NCAM2: variants seen among roughly 807,000 people sequenced by gnomAD.
NCAM2 encodes the protein N-CAM-2.
A neutral mutation model predicts 98.1 loss-of-function variants in NCAM2; 30 were observed. The observed-to-expected ratio is 0.31, with a 90% CI of 0.23 to 0.41. The LOEUF (loss-of-function observed/expected upper bound fraction) is 0.41. NCAM2 is among the 10% of genes least tolerant of loss of function. The pLI, the probability that NCAM2 is intolerant of heterozygous loss-of-function variation, is 1.00. For synonymous variants in NCAM2, 368 were observed against 342.4 expected (o/e 1.07, Z -0.83); for missense variants, 867 against 1,005.8 (o/e 0.86, Z 1.87).
intron 9 of NCAM2, among the ~76,000 whole-genome samples, chr21:21,409,216 C>T (rs917584514): frequency 2.0e-5 from 3 of 151,986 alleles, no homozygotes; most frequent in Non-Finnish European, 4.4e-5. Flanking sequence ...TGATTTAGAT[C>T]GTAGTCCTGG....
chr21:21,180,528 T>C (rs1426233119), intron 1 of NCAM2, among the ~76,000 whole-genome samples: 1 of 152,214 alleles, frequency 6.6e-6, no homozygotes. Context: ...TACCTCCTGT[T>C]AACTACTCAA....
chr21:21,051,893 T>C (rs1185229898), intron 1 of NCAM2, among the ~76,000 whole-genome samples: 1 of 152,226 alleles, frequency 6.6e-6, no homozygotes, highest in African/African-American at 2.4e-5. Flanking sequence ...GATAAGCGAC[T>C]GCAAAAACCT....
At chr21:21,297,828 A>G (rs2147618811) in intron 5 of NCAM2, among the ~76,000 whole-genome samples, 1 of 151,970 alleles carries the variant, frequency 6.6e-6, no homozygotes, top group Non-Finnish European at 1.5e-5. Context: ...ATGTTCTTCT[A>G]ACGTATAGTG....
At chr21:21,224,610 C>T (rs1011401967) in intron 1 of NCAM2, among the ~76,000 whole-genome samples, 9 of 151,844 alleles carry the variant, frequency 5.9e-5, no homozygotes, top group Non-Finnish European at 1.3e-4. Context: ...CATTAAATCC[C>T]AAATAAAATT....
chr21:21,125,535 A>T (rs1032175472), intron 1 of NCAM2, among the ~76,000 whole-genome samples: 18 of 8,916 alleles, frequency 2.0e-3, no homozygotes, highest in East Asian at 0.019. Context: ...TAATATATAA[A>T]ATATATATTA....
chr21:21,358,071 T>C lies in NCAM2; in HGVS notation c.1045-15792T>C, dbSNP rs80209083. ...ATGCATTACATTCCAAACAAGAGAA[T>C]GTCTATTCCCTTGAATTTCTCTAGC... On this transcript the variant is annotated intron_variant, in intron 8 of 17. Transcript: ENST00000400546. 8.0e-3 allele frequency among the ~76,000 whole-genome samples: 1,222 copies of C among 152,244 alleles called. 15 individuals carry two copies. Among genetic ancestry groups the C allele is most frequent in the African/African-American group, 0.028 (1,172 of 41,560 alleles).
At chr21:21,197,458 C>T (rs1165165800) in intron 1 of NCAM2, among the ~76,000 whole-genome samples, 1 of 152,138 alleles carries the variant, frequency 6.6e-6, no homozygotes, top group Non-Finnish European at 1.5e-5. Context: ...TACCCAGTCT[C>T]AGGTGTTTCT....
chr21:21,345,879 A>G (rs2075173512), intron 8 of NCAM2, among the ~76,000 whole-genome samples: 1 of 152,114 alleles, frequency 6.6e-6, no homozygotes, highest in Non-Finnish European at 1.5e-5. Flanking sequence ...AAGGCATTTA[A>G]TACTGAAACT....
chr21:21,114,039 C>A (rs544274675), intron 1 of NCAM2, among the ~76,000 whole-genome samples: 21 of 152,262 alleles, frequency 1.4e-4, no homozygotes, highest in African/African-American at 4.8e-4. Flanking sequence ...GTGTAGCCAT[C>A]ATTTCTCTCT....
intron 12 of NCAM2, among the ~76,000 whole-genome samples, chr21:21,433,780 T>G: frequency 6.8e-6 from 1 of 146,238 alleles, no homozygotes; most frequent in Non-Finnish European, 1.5e-5. Context: ...TAAAATAAAA[T>G]AAAATAAAAT....
intron 11 of NCAM2, among the ~76,000 whole-genome samples, chr21:21,420,622 A>G (rs528971613): frequency 9.7e-4 from 148 of 152,128 alleles, no homozygotes; most frequent in Non-Finnish European, 9.6e-4. Context: ...AATATATTCT[A>G]AATATTAATG....
intron 10 of NCAM2, among the ~76,000 whole-genome samples, chr21:21,414,760 C>T (rs945103280): frequency 1.4e-4 from 22 of 152,084 alleles, no homozygotes; most frequent in Non-Finnish European, 2.8e-4. Context: ...TGAGCCACCG[C>T]GCCCGGCCAC....
At chr21:21,032,040 C>T (rs976018105) in intron 1 of NCAM2, among the ~76,000 whole-genome samples, 5 of 152,234 alleles carry the variant, frequency 3.3e-5, no homozygotes, top group Non-Finnish European at 5.9e-5. Flanking sequence ...ATATTTTAAT[C>T]TAATCAAAGT....
intron 5 of NCAM2, among the ~76,000 whole-genome samples, chr21:21,294,427 T>C (rs907161705): frequency 1.3e-5 from 2 of 151,874 alleles, no homozygotes; most frequent in Admixed American, 1.3e-4. Context: ...ATAATTCCTG[T>C]TTTGTCTGTA....
intron 12 of NCAM2, among the ~76,000 whole-genome samples, chr21:21,446,390 A>C (rs899393187): frequency 1.3e-5 from 2 of 151,988 alleles, no homozygotes; most frequent in Non-Finnish European, 2.9e-5. Flanking sequence ...TTGCTGGGTT[A>C]GAAAGTTCTC....
chr21:21,376,731 A>G (rs1031773238), intron 9 of NCAM2, among the ~76,000 whole-genome samples: 1 of 151,836 alleles, frequency 6.6e-6, no homozygotes, highest in African/African-American at 2.4e-5. Flanking sequence ...TTTTGATCAC[A>G]TTGCATTCCT....
At position 21,292,852 on chromosome 21, in the gene NCAM2, TAAAG is replaced by T. The variant is rs533420530; in HGVS notation, c.619+616_619+619del. Reference sequence around the variant, plus strand: ...AGAATACTCGAGACTGAGTAATTTATAAAGAAAGGAGATTTAATTGACTCACAGT... The same window carrying T: ...AGAATACTCGAGACTGAGTAATTTATAAAGGAGATTTAATTGACTCACAGT... On this transcript the variant is annotated intron_variant, in intron 5 of 17. Coordinates refer to ENST00000400546, the MANE Select transcript of NCAM2 (RefSeq NM_004540.5). Among the ~76,000 whole-genome samples the T allele has an allele frequency of 1.6e-4, 25 of 151,958 alleles. No individual in the cohort carries two copies. The Middle Eastern group carries it at 0.014, about 83-fold the overall frequency.
intron 12 of NCAM2, among the ~76,000 whole-genome samples, chr21:21,447,192 A>G (rs925327279): frequency 4.6e-5 from 7 of 152,192 alleles, no homozygotes; most frequent in African/African-American, 1.7e-4. Context: ...TGTTACTGGT[A>G]TCAATACAGA....
At chr21:21,139,232 G>A (rs750936559) in intron 1 of NCAM2, among the ~76,000 whole-genome samples, 12 of 152,306 alleles carry the variant, frequency 7.9e-5, no homozygotes, top group Non-Finnish European at 1.3e-4. Context: ...ACAAATCAAG[G>A]CTTGGCGAAG....
Sources: gnomAD v4.1 joint callset for allele counts (sites outside exome capture counted in the v4.1 genomes callset) on GRCh38, gnomAD v4.1.1 for gene constraint, MANE v1.5 for transcripts, NCBI Gene and HGNC (gene_info 2026-07-23, HGNC 2026-07-21) for gene names.